Variants in HYOU1 observed in about 807,000 individuals in gnomAD.
The protein encoded by HYOU1 is hypoxia up-regulated 1, also known as hypoxia up-regulated protein 1.
In HYOU1, 40 loss-of-function variants were observed where a neutral mutation model predicts 120.5. The ratio of observed to expected loss-of-function variants is 0.33; its 90% CI spans 0.26 to 0.43. The LOEUF (loss-of-function observed/expected upper bound fraction) is 0.43, where lower values mean the gene tolerates loss of function less well. Among genes scored for constraint, HYOU1 ranks in the 20% least tolerant of loss-of-function variants. The pLI is 1.00. For missense variants in HYOU1, 1,085 were observed against 1,278.3 expected (o/e 0.85, Z 2.31); for synonymous variants, 501 against 479.4 (o/e 1.05, Z -0.59).
intron 8 of HYOU1, 194 bp from the exon 9 acceptor site, chr11:119,053,023 T>G (rs2133597157): frequency 3.6e-6 from 2 of 555,740 alleles, no homozygotes; most frequent in African/African-American, 3.8e-5. Context: ...GTGACCCTTC[T>G]TCCACTCATT....
Position 119,055,056 on chromosome 11 carries a change from G to C in HYOU1, c.424C>G (p.Leu142Val), listed in dbSNP as rs2133609655. Residue 142 changes from leucine (L) to valine (V), a missense_variant, in exon 6 of 26, where the codon CTG (leucine) becomes GTG (valine). Coordinates refer to ENST00000617285, the MANE Select transcript of HYOU1 (RefSeq NM_006389.5). The surrounding 1 kb of genome is among the most constrained non-coding windows in gnomAD (Gnocchi z 4.0). Reference protein sequence around the residue: ...QTVHFQISSQLQFSPEEVLGM... With the variant: ...QTVHFQISSQVQFSPEEVLGM... Reference sequence around the variant, plus strand: ...AACACTTCCTCAGGTGAGAACTGCAGCTGCCTGAGGGGAAGGAAGGTAGTT... The same window carrying C: ...AACACTTCCTCAGGTGAGAACTGCACCTGCCTGAGGGGAAGGAAGGTAGTT... The C allele has an allele frequency of 1.9e-6, 3 of 1,614,114 alleles. No homozygotes were observed. The South Asian group carries it at 3.3e-5, about 18-fold the overall frequency.
In HYOU1 at chr11:119,047,124, G is replaced by A. The variant is rs2133555231; in HGVS notation, c.2596-322C>T. On this transcript the variant is annotated intron_variant, in intron 22 of 25. Coordinates refer to ENST00000617285, the MANE Select transcript of HYOU1 (RefSeq NM_006389.5). ...GGCTGGAGTGCAGTGGCGCGATCTC[G>A]ACTCACTGCAACCTCCGACTCCTGG... 6.9e-5 allele frequency: 17 copies of A among 245,262 alleles called. No homozygotes were observed. In the East Asian group the frequency reaches 1.5e-3, roughly 21 times the overall value. 15.2% of individuals were successfully genotyped at this position (245,262 alleles called of 1,614,324 possible).
Position 119,051,848 on chromosome 11 carries a change from C to G in HYOU1, c.1309G>C (p.Val437Leu). The G allele has an allele frequency of 1.2e-6, 2 of 1,614,158 alleles. No homozygotes were observed. The highest frequency in any genetic ancestry group is 1.6e-4 in the Middle Eastern group (1 of 6,062). The change falls in exon 12 of 26, where the codon GTC (valine) becomes CTC (leucine). Residue 437 changes from valine (V) to leucine (L), a missense_variant. Val to Leu is a conservative substitution (Grantham distance 32). Transcript: ENST00000617285. The surrounding 1 kb of genome is among the most constrained non-coding windows in gnomAD (Gnocchi z 4.2). ...ATGGGGTAGACCACTGCATCTCGGA[C>G]GACAAATGGCTTCACTTTAAAGGCT... ...SKAFKVKPFV[V>L]RDAVVYPILV...
Position 119,052,332 on chromosome 11 carries a change from G to A in HYOU1, c.1085C>T (p.Pro362Leu), listed in dbSNP as rs2133592064. The part of the protein sequence containing the change: ...CADLFERVPG[P>L]VQQALQSAEM... ...GGCACTCTGGAGGGCCTGCTGTACAGGCCCAGGCACCCGCTCAAACAAGTC... is the reference window on the plus strand; with the variant it reads ...GGCACTCTGGAGGGCCTGCTGTACAAGCCCAGGCACCCGCTCAAACAAGTC... The change falls in exon 10 of 26, where the codon CCT becomes CTT. Residue 362 changes from proline to leucine, a missense_variant. Around this residue, in one of 4 missense-constraint regions of HYOU1, gnomAD observed 515 missense variants for 677.8 expected, o/e 0.76. Coordinates refer to ENST00000617285, the MANE Select transcript of HYOU1 (RefSeq NM_006389.5). This position sits in a 1 kb window ranked among gnomAD's most constrained non-coding sequence, Gnocchi z 5.0. 2 of 1,614,208 alleles carry A rather than the reference G, an allele frequency of 1.2e-6. No individual in the cohort carries two copies. Among genetic ancestry groups the A allele is most frequent in the South Asian group, 1.1e-5 (1 of 91,082 alleles).
Position 119,055,523 on chromosome 11 carries a change from T to C in HYOU1, c.234A>G (p.Glu78=), listed in dbSNP as rs2133613960. ...TPVIVTLKEN[E]RFFGDSAASM... The stretch of plus-strand genomic sequence containing the variant: ...TTGCTGCACTGTCTCCAAAGAATCT[T>C]TCATTTTCTTTCAGGGTCACGATCA... Residue 78 remains glutamate (E), a synonymous_variant, in exon 4 of 26, where the codon GAA becomes GAG. Transcript: ENST00000617285. This position sits in a 1 kb window ranked among gnomAD's most constrained non-coding sequence, Gnocchi z 4.0. 9 of 1,614,064 alleles carry C rather than the reference T, an allele frequency of 5.6e-6. No individual in the cohort carries two copies. The South Asian group carries it at 7.7e-5, about 14-fold the overall frequency.
intron 14 of HYOU1, 135 bp from the exon 15 acceptor site, chr11:119,049,972 A>G (rs1944326002): frequency 5.0e-6 from 4 of 796,258 alleles, no homozygotes; most frequent in Non-Finnish European, 8.6e-6. Context: ...TTTTCTAAGG[A>G]CTTGGAGGTG....
chr11:119,045,494 C>A lies in HYOU1; in HGVS notation c.*99G>T. On this transcript the variant is annotated 3_prime_UTR_variant, in exon 26 of 26. Transcript: ENST00000617285. The stretch of plus-strand genomic sequence containing the variant: ...CACAGGGGTGAGAAAGGAACTCCAG[C>A]CGAGGGCAGGACCAACCCCTCCCCC... 1 of 1,045,216 alleles carries A rather than the reference C, an allele frequency of 9.6e-7. No homozygotes were observed. The highest frequency in any genetic ancestry group is 1.5e-6 in the Non-Finnish European group (1 of 665,216). 64.7% of individuals were successfully genotyped at this position (1,045,216 alleles called of 1,614,324 possible).
intron 7 of HYOU1, 96 bp from the exon 8 acceptor site, chr11:119,054,332 T>G: frequency 8.1e-7 from 1 of 1,237,628 alleles, no homozygotes; most frequent in Non-Finnish European, 1.2e-6. Context: ...GTCTGACTCT[T>G]AACACAAAAC....
Position 119,052,454 on chromosome 11 carries a change from G to A in HYOU1, c.988-25C>T. On this transcript the variant is annotated intron_variant, in intron 9 of 25. Coordinates refer to ENST00000617285, the MANE Select transcript of HYOU1 (RefSeq NM_006389.5). The surrounding 1 kb of genome is among the most constrained non-coding windows in gnomAD (Gnocchi z 5.0). ...TCTGGGAGAGGATGGGGACTGTCAG[G>A]GGGTTCTTGCCCAGCTCCCGCTCTC... is the stretch of plus-strand genomic sequence containing the variant. 2 of 1,614,058 alleles carry A rather than the reference G, an allele frequency of 1.2e-6. No homozygotes were observed. Among genetic ancestry groups the A allele is most frequent in the Non-Finnish European group, 1.7e-6 (2 of 1,180,028 alleles).
chr11:119,055,636 C>A lies in HYOU1; in HGVS notation c.186-65G>T. 1 of 1,523,124 alleles carries A rather than the reference C, an allele frequency of 6.6e-7. No individual in the cohort carries two copies. Among genetic ancestry groups the A allele is most frequent in the Non-Finnish European group, 9.1e-7 (1 of 1,097,266 alleles). 94.4% of individuals were successfully genotyped at this position (1,523,124 alleles called of 1,614,324 possible). A position where few individuals can be genotyped will look rare whatever the true frequency, so the allele number is the denominator to read the frequency against. Reference sequence around the variant, plus strand: ...AAGGACTCAGAAGCCTCGACACTCACACACATTTAACCACTCAGATGCCGA... The same window carrying A: ...AAGGACTCAGAAGCCTCGACACTCAAACACATTTAACCACTCAGATGCCGA... On this transcript the variant is annotated intron_variant, in intron 3 of 25. Coordinates refer to ENST00000617285, the MANE Select transcript of HYOU1 (RefSeq NM_006389.5). This position sits in a 1 kb window ranked among gnomAD's most constrained non-coding sequence, Gnocchi z 4.0.
chr11:119,049,354 G>T, intron 16 of HYOU1, 151 bp from the exon 17 acceptor site: 1 of 1,553,658 alleles, frequency 6.4e-7, no homozygotes. Flanking sequence ...CAATCTAGCT[G>T]GACAAAGGAA....
In HYOU1 at chr11:119,047,051, T is replaced by C. The variant is rs963157572; in HGVS notation, c.2596-249A>G. On this transcript the variant is annotated intron_variant, in intron 22 of 25. Transcript: ENST00000617285. ...GAGTGACTACAACTGAACAAACCCC[T>C]TGAATAGTCCTTTTTTTTTTTTGAG... is the stretch of plus-strand genomic sequence containing the variant. The C allele has an allele frequency of 4.0e-5, 19 of 471,472 alleles. No homozygotes were observed. In the Admixed American group the frequency reaches 6.1e-4, roughly 15 times the overall value. 29.2% of individuals were successfully genotyped at this position (471,472 alleles called of 1,614,324 possible).
chr11:119,050,406 A>G (rs1704559026), intron 14 of HYOU1, among the ~76,000 whole-genome samples: 1 of 151,990 alleles, frequency 6.6e-6, no homozygotes, highest in Non-Finnish European at 1.5e-5. Flanking sequence ...CTCTGTCTCA[A>G]AAAAAGTAAT....
At chr11:119,050,140 AG>A (rs1944335423) in intron 14 of HYOU1, among the ~76,000 whole-genome samples, 2 of 152,208 alleles carry the variant, frequency 1.3e-5, no homozygotes, top group East Asian at 3.9e-4. Context: ...GGCCGAGTGC[AG>A]TGGCTTATGC....
rs936594630 is a variant in HYOU1, at chr11:119,055,628, G to C, written c.186-57C>G. On this transcript the variant is annotated intron_variant, in intron 3 of 25. Coordinates refer to ENST00000617285, the MANE Select transcript of HYOU1 (RefSeq NM_006389.5). This position sits in a 1 kb window ranked among gnomAD's most constrained non-coding sequence, Gnocchi z 4.0. ...TGCAGCAGAAGGACTCAGAAGCCTC[G>C]ACACTCACACACATTTAACCACTCA... The C allele has an allele frequency of 3.9e-6, 6 of 1,530,176 alleles. No individual in the cohort carries two copies. The highest frequency in any genetic ancestry group is 4.5e-5 in the East Asian group (2 of 44,468). 94.8% of individuals were successfully genotyped at this position (1,530,176 alleles called of 1,614,324 possible).
In HYOU1 at chr11:119,051,291, G is replaced by A. The variant is rs1006449159; in HGVS notation, c.1527-118C>T. 4.5e-5 allele frequency: 68 copies of A among 1,506,054 alleles called. No individual in the cohort carries two copies. The African/African-American group carries it at 5.8e-4, about 13-fold the overall frequency. The allele number at this position is 1,506,054 out of a possible 1,614,324, so 93.3% of individuals were successfully genotyped here. A position where few individuals can be genotyped will look rare whatever the true frequency, so the allele number is the denominator to read the frequency against. The stretch of plus-strand genomic sequence containing the variant: ...CACTCCCCAAGGGCACACTCAAGAG[G>A]ACGGATGCATTCTCCAGCGAAGCTG... On this transcript the variant is annotated intron_variant, in intron 13 of 25. Coordinates refer to ENST00000617285, the MANE Select transcript of HYOU1 (RefSeq NM_006389.5). This position sits in a 1 kb window ranked among gnomAD's most constrained non-coding sequence, Gnocchi z 4.2.
In HYOU1 at chr11:119,047,827, C is replaced by G; in HGVS notation, c.2511-9G>C. On this transcript the variant is annotated splice_polypyrimidine_tract_variant and intron_variant, in intron 21 of 25. Coordinates refer to ENST00000617285, the MANE Select transcript of HYOU1 (RefSeq NM_006389.5). ...GGATGAGCCGGGCCCCCCTGGAAGC[C>G]AGAAAGGAGACCATTAGCCCCAGAG... 6.2e-7 allele frequency: 1 copy of G among 1,613,884 alleles called. No homozygotes were observed. Among genetic ancestry groups the G allele is most frequent in the Non-Finnish European group, 8.5e-7 (1 of 1,179,944 alleles).
At position 119,046,423 on chromosome 11, in the gene HYOU1, C is replaced by T. The variant is rs2133549826; in HGVS notation, c.2881G>A (p.Glu961Lys). ...AEPISEPEKV[E>K]TGSEPGDTEP... ...CATGGTTGCTCCAACTCACCAGTCTCTACTTTCTCAGGTTCTGAAATGGGC... is the reference window on the plus strand; with the variant it reads ...CATGGTTGCTCCAACTCACCAGTCTTTACTTTCTCAGGTTCTGAAATGGGC... Residue 961 changes from glutamate to lysine, a missense_variant, in exon 24 of 26, where the codon GAG (glutamate) becomes AAG (lysine). Glu to Lys is a moderately conservative substitution (Grantham distance 56, BLOSUM62 1). Coordinates refer to ENST00000617285, the MANE Select transcript of HYOU1 (RefSeq NM_006389.5). The T allele has an allele frequency of 6.2e-7, 1 of 1,614,174 alleles. No homozygotes were observed. Among genetic ancestry groups the T allele is most frequent in the Admixed American group, 1.7e-5 (1 of 60,024 alleles).
intron 1 of HYOU1, chr11:119,056,518 C>T (rs1430650176): frequency 5.2e-6 from 2 of 384,616 alleles, no homozygotes; most frequent in Admixed American, 3.5e-5. Flanking sequence ...ACCTGGGGTG[C>T]GGCCAGGGAT....
Sources: allele counts gnomAD v4.1 joint callset (sites outside exome capture counted in the v4.1 genomes callset), GRCh38; gene constraint gnomAD v4.1.1; regional missense constraint gnomAD v4.1.1; non-coding constraint Gnocchi (gnomAD v3.1); transcripts MANE v1.5; gene names NCBI Gene and HGNC (gene_info 2026-07-23, HGNC 2026-07-21).